GALNT18: variants seen among roughly 807,000 people sequenced by gnomAD.
GALNT18 encodes the protein polypeptide N-acetylgalactosaminyltransferase 18.
Under a neutral mutation model 69.5 loss-of-function variants are expected in GALNT18, and 44 were observed. The observed-to-expected ratio is 0.63, with a 90% CI of 0.50 to 0.81. The LOEUF is 0.81. GALNT18 is among the 40% of genes least tolerant of loss of function. GALNT18 has a pLI of 0.00. For synonymous variants in GALNT18, 364 were observed against 318.2 expected (o/e 1.14, Z -1.53); for missense variants, 715 against 810.0 (o/e 0.88, Z 1.42).
chr11:11,304,137 T>G (rs560541723), intron 9 of GALNT18, among the ~76,000 whole-genome samples: 1 of 152,294 alleles, frequency 6.6e-6, no homozygotes, highest in South Asian at 2.1e-4. Context: ...CTAAGACACA[T>G]TTAGGGCAAC....
intron 1 of GALNT18, among the ~76,000 whole-genome samples, chr11:11,456,788 C>G (rs1408599817): frequency 2.0e-5 from 3 of 152,186 alleles, no homozygotes; most frequent in African/African-American, 7.2e-5. Context: ...TTGTGCATGA[C>G]TGTTTTTCAA....
rs551121012 is a variant in GALNT18, at chr11:11,523,094, C to T, written c.236-74158G>A. On this transcript the variant is annotated intron_variant, in intron 1 of 10. Transcript: ENST00000227756. The surrounding 1 kb of genome is among the most constrained non-coding windows in gnomAD (Gnocchi z 4.3). ...TGCTTTTTCTTATTACAAGCCCTTT[C>T]ATTATGTCCGCAAGATCAATTCCAT... is the stretch of plus-strand genomic sequence containing the variant. Among the ~76,000 whole-genome samples the T allele has an allele frequency of 7.2e-5, 11 of 152,226 alleles. No homozygotes were observed. Among genetic ancestry groups the T allele is most frequent in the Non-Finnish European group, 1.3e-4 (9 of 68,042 alleles).
rs1859393827 is a variant in GALNT18 at position 11,592,961 on chromosome 11, G to A, written c.235+28398C>T. Among the ~76,000 whole-genome samples the A allele has an allele frequency of 2.0e-5, 3 of 152,060 alleles. No homozygotes were observed. In the South Asian group the frequency reaches 6.2e-4, roughly 32 times the overall value. Reference sequence around the variant, plus strand: ...TTTTGTTTTTGTCTCTGTCTCCCAGGCTGGAGTGCAGTGGCGCAATCTCAG... The same window carrying A: ...TTTTGTTTTTGTCTCTGTCTCCCAGACTGGAGTGCAGTGGCGCAATCTCAG... On this transcript the variant is annotated intron_variant, in intron 1 of 10. Coordinates refer to ENST00000227756, the MANE Select transcript of GALNT18 (RefSeq NM_198516.3). This position sits in a 1 kb window ranked among gnomAD's most constrained non-coding sequence, Gnocchi z 5.9.
intron 1 of GALNT18, among the ~76,000 whole-genome samples, chr11:11,450,832 T>A (rs1855777264): frequency 6.6e-6 from 1 of 152,126 alleles, no homozygotes; most frequent in Non-Finnish European, 1.5e-5. Flanking sequence ...AAGTGAGGCA[T>A]AGAGAGAATA....
chr11:11,517,772 C>T (rs73407820), intron 1 of GALNT18, among the ~76,000 whole-genome samples: 2,358 of 152,220 alleles, frequency 0.015, 63 homozygotes, highest in African/African-American at 0.054. Context: ...TTCTCACCCC[C>T]GTGGTCCCTA....
At position 11,337,725 on chromosome 11, in the gene GALNT18, A is replaced by AG; in HGVS notation, c.1278+3093dup. On this transcript the variant is annotated intron_variant, in intron 7 of 10. Transcript: ENST00000227756. This position sits in a 1 kb window ranked among gnomAD's most constrained non-coding sequence, Gnocchi z 4.9. ...AGGTAGAGGGTAGGGAATTCCAAGC[A>AG]GGATGAACAAGCACCGAGGTGTGAG... Among the ~76,000 whole-genome samples the AG allele has an allele frequency of 6.6e-6, 1 of 152,088 alleles. No homozygotes were observed. The highest frequency in any genetic ancestry group is 1.9e-4 in the East Asian group (1 of 5,160).
chr11:11,589,548 A>G (rs901584012), intron 1 of GALNT18, among the ~76,000 whole-genome samples: 10 of 152,024 alleles, frequency 6.6e-5, no homozygotes, highest in Non-Finnish European at 1.3e-4. Flanking sequence ...CATACTCATA[A>G]GAGCTTCAAC....
In GALNT18 at chr11:11,341,964, T is replaced by TA. The variant is rs200943344; in HGVS notation, c.1093-961dup. 1.5e-5 allele frequency among the ~76,000 whole-genome samples: 2 copies of TA among 135,240 alleles called. No homozygotes were observed. Among genetic ancestry groups the TA allele is most frequent in the Admixed American group, 7.2e-5 (1 of 13,984 alleles). The allele number at this position is 135,240 out of a possible 152,430, so 88.7% of individuals were successfully genotyped here. ...TAGTGAGATCCTGTCTCTAAAACAT[T>TA]AAAATTTTTTTTTTTTTAAAAAGAC... On this transcript the variant is annotated intron_variant, in intron 6 of 10. Transcript: ENST00000227756. The surrounding 1 kb of genome is among the most constrained non-coding windows in gnomAD (Gnocchi z 6.3).
Position 11,385,731 on chromosome 11 carries a change from A to C in GALNT18, c.596-6467T>G, listed in dbSNP as rs560922776. 1.1e-4 allele frequency among the ~76,000 whole-genome samples: 16 copies of C among 152,304 alleles called. No individual in the cohort carries two copies. In the South Asian group the frequency reaches 3.1e-3, roughly 30 times the overall value. On this transcript the variant is annotated intron_variant, in intron 3 of 10. Coordinates refer to ENST00000227756, the MANE Select transcript of GALNT18 (RefSeq NM_198516.3). ...GTCAATTAGGGGGAGGAATTGGGGC[A>C]TGAATACCCCATGGGTGAACTGAAT...
At position 11,470,552 on chromosome 11, in the gene GALNT18, G is replaced by T. The variant is rs1306891595; in HGVS notation, c.236-21616C>A. Reference sequence around the variant, plus strand: ...TGCTAGAGGCTTGGGGATAGTGATAGGATGACTAATCGCTAGCTAATTTTG... The same window carrying T: ...TGCTAGAGGCTTGGGGATAGTGATATGATGACTAATCGCTAGCTAATTTTG... On this transcript the variant is annotated intron_variant, in intron 1 of 10. Transcript: ENST00000227756. The surrounding 1 kb of genome is among the most constrained non-coding windows in gnomAD (Gnocchi z 4.8). Among the ~76,000 whole-genome samples the T allele has an allele frequency of 6.6e-6, 1 of 152,164 alleles. No homozygotes were observed. The highest frequency in any genetic ancestry group is 1.5e-5 in the Non-Finnish European group (1 of 68,016).
chr11:11,332,629 C>T lies in GALNT18; in HGVS notation c.1416+65G>A, dbSNP rs1379970132. 2 of 1,582,312 alleles carry T rather than the reference C, an allele frequency of 1.3e-6. No homozygotes were observed. Among genetic ancestry groups the T allele is most frequent in the African/African-American group, 2.7e-5 (2 of 74,304 alleles). On this transcript the variant is annotated intron_variant, in intron 8 of 10. Transcript: ENST00000227756. This position sits in a 1 kb window ranked among gnomAD's most constrained non-coding sequence, Gnocchi z 4.3. ...GCTGAGAGGCTCTTTCCCTCCTCTC[C>T]CTTTCTTCACTATGTTTCTTTCTGT...
intron 1 of GALNT18, among the ~76,000 whole-genome samples, chr11:11,568,744 G>T (rs4910018): frequency 0.091 from 13,868 of 152,190 alleles, 703 homozygotes; most frequent in Admixed American, 0.15. Flanking sequence ...GAGTCTCTAA[G>T]GGCCTGGGTG....
intron 1 of GALNT18, among the ~76,000 whole-genome samples, chr11:11,547,744 A>G (rs1858094011): frequency 6.6e-6 from 1 of 152,196 alleles, no homozygotes; most frequent in Non-Finnish European, 1.5e-5. Context: ...AATTGGGGTG[A>G]GCAATATTAA....
At chr11:11,283,637 G>A (rs756479880) in intron 10 of GALNT18, among the ~76,000 whole-genome samples, 9 of 152,184 alleles carry the variant, frequency 5.9e-5, no homozygotes, top group South Asian at 2.1e-4. Flanking sequence ...CTGGGGCTTC[G>A]TGCAGAGACC....
rs144574249 is a variant in GALNT18 at position 11,332,945 on chromosome 11, G to A, written c.1279-114C>T. The A allele has an allele frequency of 3.8e-4, 439 of 1,145,834 alleles. 1 individual carries two copies. The African/African-American group carries it at 5.8e-3, about 15-fold the overall frequency. 71.0% of individuals were successfully genotyped at this position (1,145,834 alleles called of 1,614,324 possible). On this transcript the variant is annotated intron_variant, in intron 7 of 10. Transcript: ENST00000227756. This position sits in a 1 kb window ranked among gnomAD's most constrained non-coding sequence, Gnocchi z 4.3. ...ACAAGATTCCTAGAGACTGGGGAAG[G>A]GACCATGTGGCACGTTAACTCTTGC...
chr11:11,439,840 C>T lies in GALNT18; in HGVS notation c.429-7053G>A, dbSNP rs575564798. Among the ~76,000 whole-genome samples, 6 of 152,284 alleles carry T rather than the reference C, an allele frequency of 3.9e-5. No homozygotes were observed. The highest frequency in any genetic ancestry group is 3.9e-4 in the Admixed American group (6 of 15,302). On this transcript the variant is annotated intron_variant, in intron 2 of 10. Coordinates refer to ENST00000227756, the MANE Select transcript of GALNT18 (RefSeq NM_198516.3). This position sits in a 1 kb window ranked among gnomAD's most constrained non-coding sequence, Gnocchi z 4.4. ...ACATTTACTCCCTGCCTGACTGCAGCAATAAGACTAGATCATCCCACAAGC... is the reference window on the plus strand; with the variant it reads ...ACATTTACTCCCTGCCTGACTGCAGTAATAAGACTAGATCATCCCACAAGC...
At position 11,309,092 on chromosome 11, in the gene GALNT18, AC is replaced by A. The variant is rs1050585539; in HGVS notation, c.1513-15900del. ...TGGAAGGTGTTTGGATCACTGGAGC[AC>A]TGCCCTCATGAATGGATTAGTGCCA... On this transcript the variant is annotated intron_variant, in intron 9 of 10. Coordinates refer to ENST00000227756, the MANE Select transcript of GALNT18 (RefSeq NM_198516.3). The surrounding 1 kb of genome is among the most constrained non-coding windows in gnomAD (Gnocchi z 4.6). Among the ~76,000 whole-genome samples, 2 of 152,212 alleles carry A rather than the reference AC, an allele frequency of 1.3e-5. No homozygotes were observed. The highest frequency in any genetic ancestry group is 4.8e-5 in the African/African-American group (2 of 41,450).
At chr11:11,568,729 C>T (rs1388286037) in intron 1 of GALNT18, among the ~76,000 whole-genome samples, 4 of 152,276 alleles carry the variant, frequency 2.6e-5, no homozygotes, top group African/African-American at 9.6e-5. Flanking sequence ...CCCCTTAAAA[C>T]CACGGAGTCT....
At chr11:11,363,205 T>C (rs1305139690) in intron 6 of GALNT18, among the ~76,000 whole-genome samples, 23 of 152,206 alleles carry the variant, frequency 1.5e-4, no homozygotes, top group Non-Finnish European at 1.5e-5. Context: ...AAGTTCCTTA[T>C]TTTGTAGATT....
Sources: allele counts gnomAD v4.1 joint callset (sites outside exome capture counted in the v4.1 genomes callset), GRCh38; gene constraint gnomAD v4.1.1; non-coding constraint Gnocchi (gnomAD v3.1); transcripts MANE v1.5; gene names NCBI Gene and HGNC (gene_info 2026-07-23, HGNC 2026-07-21).